Variants in PHYHIPL observed in about 807,000 individuals in gnomAD.
The protein encoded by PHYHIPL is phytanoyl-CoA hydroxylase-interacting protein-like.
Under a neutral mutation model 33.4 loss-of-function variants are expected in PHYHIPL, and 9 were observed. The observed-to-expected ratio is 0.27, with a 90% CI of 0.16 to 0.47. The LOEUF (loss-of-function observed/expected upper bound fraction) is 0.47, where lower values mean the gene tolerates loss of function less well. Ranked by LOEUF, PHYHIPL falls within the 20% of genes least tolerant of loss-of-function variation. The probability of loss-of-function intolerance (pLI) is 0.99; values close to 1 mark genes in which losing one functional copy is unlikely to be tolerated. For synonymous variants in PHYHIPL, 153 were observed against 154.1 expected, an observed-to-expected ratio of 0.99 and a Z score of 0.05; for missense variants, 365 against 460.7, an observed-to-expected ratio of 0.79 and a Z score of 1.90.
At chr10:59,190,382 A>G (rs1838752475) in intron 1 of PHYHIPL, among the ~76,000 whole-genome samples, 1 of 151,938 alleles carries the variant, frequency 6.6e-6, no homozygotes, top group South Asian at 2.1e-4. Context: ...TAGAATAATG[A>G]AAGAATAAAT....
rs373706298 is a variant in PHYHIPL at position 59,245,602 on chromosome 10, T to C, written c.*11T>C. 75 of 1,570,520 alleles carry C rather than the reference T, an allele frequency of 4.8e-5. No homozygotes were observed. In the African/African-American group the frequency reaches 9.8e-4, roughly 20 times the overall value. On this transcript the variant is annotated 3_prime_UTR_variant, in exon 5 of 5. Coordinates refer to ENST00000373880, the MANE Select transcript of PHYHIPL (RefSeq NM_032439.4). Reference sequence around the variant, plus strand: ...AGTGTTGGACGTTAATGCCCACTTTTCTTATTCTTACTCAGCCCCTTTTCC... The same window carrying C: ...AGTGTTGGACGTTAATGCCCACTTTCCTTATTCTTACTCAGCCCCTTTTCC...
intron 4 of PHYHIPL, among the ~76,000 whole-genome samples, chr10:59,241,069 G>A (rs1229721029): frequency 2.0e-5 from 3 of 152,044 alleles, no homozygotes; most frequent in Non-Finnish European, 2.9e-5. Flanking sequence ...GGTGCAGTAC[G>A]TATAAATAAA....
chr10:59,229,727 C>T (rs1434869898), intron 1 of PHYHIPL, among the ~76,000 whole-genome samples: 1 of 152,012 alleles, frequency 6.6e-6, no homozygotes, highest in Admixed American at 6.6e-5. Context: ...AAGTGAGGTA[C>T]AGAAACAACT....
chr10:59,183,592 A>G, intron 1 of PHYHIPL: 1 of 939,354 alleles, frequency 1.1e-6, no homozygotes, highest in Non-Finnish European at 1.3e-6. Context: ...TCCAACTTTA[A>G]ACAACAAAGA....
intron 1 of PHYHIPL, among the ~76,000 whole-genome samples, chr10:59,180,535 C>T (rs12267435): frequency 6.6e-6 from 1 of 151,024 alleles, no homozygotes; most frequent in Non-Finnish European, 1.5e-5. Flanking sequence ...TTCATGAGTC[C>T]GGCACTTTAT....
At chr10:59,188,595 G>C (rs957280532) in intron 1 of PHYHIPL, among the ~76,000 whole-genome samples, 4 of 152,128 alleles carry the variant, frequency 2.6e-5, no homozygotes, top group Admixed American at 6.6e-5. Context: ...TATTGTGTGG[G>C]AGTCTAAGTC....
intron 1 of PHYHIPL, among the ~76,000 whole-genome samples, chr10:59,195,103 A>T (rs1269933323): frequency 6.6e-6 from 1 of 152,178 alleles, no homozygotes; most frequent in African/African-American, 2.4e-5. Context: ...AAATATTTGC[A>T]CTGACTAATG....
At chr10:59,210,737 T>C (rs180932273) in intron 1 of PHYHIPL, among the ~76,000 whole-genome samples, 1 of 152,166 alleles carries the variant, frequency 6.6e-6, no homozygotes, top group African/African-American at 2.4e-5. Flanking sequence ...TGGAATACTA[T>C]GTGGCCATAA....
rs1284418981 is a variant in PHYHIPL at position 59,238,690 on chromosome 10, A to G, written c.581A>G (p.Tyr194Cys). ...TTTTATCGTAATCAGCACAAAGAATATTTTGACTATGTTCGGTAAGATTCA... is the reference window on the plus strand; with the variant it reads ...TTTTATCGTAATCAGCACAAAGAATGTTTTGACTATGTTCGGTAAGATTCA... ...SVFYRNQHKE[Y>C]FDYVREHHGN... The change falls in exon 4 of 5, where the codon TAT becomes TGT. Residue 194 changes from tyrosine (Y) to cysteine (C), a missense_variant. By Grantham distance (194) the Tyr-to-Cys change is radical (BLOSUM62 -2). Around this residue, in one of 4 missense-constraint regions of PHYHIPL, gnomAD observed 196 missense variants for 224.9 expected, o/e 0.87. Coordinates refer to ENST00000373880, the MANE Select transcript of PHYHIPL (RefSeq NM_032439.4). 6.3e-7 allele frequency: 1 copy of G among 1,579,442 alleles called. No homozygotes were observed.
chr10:59,245,441 T>A lies in PHYHIPL; in HGVS notation c.981T>A (p.Asp327Glu). ...TGCTGGTTTACCACCATGCCCAGGA[T>A]GTCATTTTAGAAGTCATTTACACTG... The part of the protein sequence containing the change: ...DGVLVYHHAQ[D>E]VILEVIYTDP... Residue 327 changes from aspartate (D) to glutamate (E), a missense_variant, in exon 5 of 5, where the codon GAT becomes GAA. Asp to Glu is a conservative substitution (Grantham distance 45, BLOSUM62 2). Transcript: ENST00000373880. The A allele has an allele frequency of 6.2e-7, 1 of 1,614,204 alleles. No homozygotes were observed. Among genetic ancestry groups the A allele is most frequent in the African/African-American group, 1.3e-5 (1 of 75,056 alleles).
intron 1 of PHYHIPL, among the ~76,000 whole-genome samples, chr10:59,179,302 A>T (rs7089805): frequency 6.6e-6 from 1 of 151,928 alleles, no homozygotes; most frequent in Admixed American, 6.6e-5. Flanking sequence ...CTTTCTTTCC[A>T]CTCAAGTCTC....
chr10:59,196,403 T>C (rs1435160667), intron 1 of PHYHIPL, among the ~76,000 whole-genome samples: 1 of 150,562 alleles, frequency 6.6e-6, no homozygotes, highest in Non-Finnish European at 1.5e-5. Flanking sequence ...CACTTATGAG[T>C]ACACTGTCAA....
In PHYHIPL at chr10:59,245,574, A is replaced by G. The variant is rs771499757; in HGVS notation, c.1114A>G (p.Ile372Val). 14 of 1,604,692 alleles carry G rather than the reference A, an allele frequency of 8.7e-6. No individual in the cohort carries two copies. Among genetic ancestry groups the G allele is most frequent in the Admixed American group, 3.4e-5 (2 of 58,718 alleles). Reference sequence around the variant, plus strand: ...AGATCCCAGCTGCAAAACCTGTAATATCAGTGTTGGACGTTAATGCCCACT... The same window carrying G: ...AGATCCCAGCTGCAAAACCTGTAATGTCAGTGTTGGACGTTAATGCCCACT... Reference protein sequence around the residue: ...KKDPSCKTCNISVGR With the variant: ...KKDPSCKTCNVSVGR Residue 372 changes from isoleucine (I) to valine (V), a missense_variant, in exon 5 of 5, where the codon ATC becomes GTC. Coordinates refer to ENST00000373880, the MANE Select transcript of PHYHIPL (RefSeq NM_032439.4).
chr10:59,228,909 G>C (rs1291163732), intron 1 of PHYHIPL, among the ~76,000 whole-genome samples: 1 of 152,154 alleles, frequency 6.6e-6, no homozygotes, highest in Admixed American at 6.5e-5. Flanking sequence ...CTCAAGGAAA[G>C]ATATTATGTA....
At chr10:59,219,142 G>T in intron 1 of PHYHIPL, 2 of 417,792 alleles carry the variant, frequency 4.8e-6, no homozygotes, top group Non-Finnish European at 6.4e-6. Flanking sequence ...AATATTCTAG[G>T]TATTTTGAGA....
intron 3 of PHYHIPL, among the ~76,000 whole-genome samples, chr10:59,237,982 G>T (rs1840279017): frequency 6.6e-6 from 1 of 151,828 alleles, no homozygotes; most frequent in African/African-American, 2.4e-5. Context: ...ATGTTGCCAT[G>T]AGCAATTTAA....
upstream of PHYHIPL, among the ~76,000 whole-genome samples, chr10:59,174,831 C>T (rs1356831651): frequency 6.6e-6 from 1 of 152,148 alleles, no homozygotes; most frequent in South Asian, 2.1e-4. Context: ...TTCTTAACAC[C>T]CATCCTACTT....
Position 59,245,411 on chromosome 10 carries a change from T to G in PHYHIPL, c.951T>G (p.Asp317Glu). The G allele has an allele frequency of 6.2e-7, 1 of 1,614,152 alleles. No individual in the cohort carries two copies. Among genetic ancestry groups the G allele is most frequent in the East Asian group, 2.2e-5 (1 of 44,874 alleles). Reference sequence around the variant, plus strand: ...AATTTTTGACCTGTACAGAAGAAGATGGGGTGCTGGTTTACCACCATGCCC... The same window carrying G: ...AATTTTTGACCTGTACAGAAGAAGAGGGGGTGCTGGTTTACCACCATGCCC... ...DNKFLTCTEE[D>E]GVLVYHHAQD... The change falls in exon 5 of 5, where the codon GAT (aspartate) becomes GAG (glutamate). Residue 317 changes from aspartate to glutamate, a missense_variant. This residue lies in a region of PHYHIPL where 196 missense variants were observed against 224.9 expected (regional missense o/e 0.87). Coordinates refer to ENST00000373880, the MANE Select transcript of PHYHIPL (RefSeq NM_032439.4).
intron 1 of PHYHIPL, among the ~76,000 whole-genome samples, chr10:59,218,321 G>T (rs576795163): frequency 2.0e-5 from 3 of 152,156 alleles, no homozygotes; most frequent in South Asian, 4.2e-4. Context: ...CAATTCACTC[G>T]TCCTGTTGTA....
Sources: allele counts gnomAD v4.1 joint callset (sites outside exome capture counted in the v4.1 genomes callset), GRCh38; gene constraint gnomAD v4.1.1; regional missense constraint gnomAD v4.1.1; transcripts MANE v1.5; gene names NCBI Gene and HGNC (gene_info 2026-07-23, HGNC 2026-07-21).